Variants in RPL13A observed in about 807,000 individuals in gnomAD.
RPL13A encodes large ribosomal subunit protein uL13.
RPL13A carries 4 observed loss-of-function variants against 30.8 expected under a neutral mutation model. That is an observed-to-expected ratio of 0.13 (90% confidence interval 0.06 to 0.30). The LOEUF is 0.30. RPL13A is among the 10% of genes least tolerant of loss of function. The pLI is 1.00. For missense variants in RPL13A, 196 were observed against 272.6 expected (o/e 0.72, Z 1.98); for synonymous variants, 108 against 104.2 (o/e 1.04, Z -0.22).
chr19:49,490,083 C>A, intron 2 of RPL13A, 149 bp from the exon 3 acceptor site: 2 of 1,035,642 alleles, frequency 1.9e-6, no homozygotes, highest in Non-Finnish European at 3.0e-6. Flanking sequence ...GGACTCCAGG[C>A]TCAAGAAGTA....
chr19:49,487,674 A>G (rs201991577), intron 1 of RPL13A, 30 bp downstream of exon 1: 8 of 1,516,818 alleles, frequency 5.3e-6, no homozygotes, highest in Admixed American at 2.3e-5. Flanking sequence ...CGGGGCGGCA[A>G]GGGGCCGGGT....
Position 49,491,524 on chromosome 19 carries a change from T to C in RPL13A, c.502T>C (p.Tyr168His). The change falls in exon 7 of 8, where the codon TAC (tyrosine) becomes CAC (histidine). Residue 168 changes from tyrosine to histidine, a missense_variant. Tyr to His is a moderately conservative substitution (Grantham distance 83). Coordinates refer to ENST00000391857, the MANE Select transcript of RPL13A (RefSeq NM_012423.4). ...EKRKEKAKIH[Y>H]RKKKQLMRLR... ...GAGGAAAGAGAAAGCCAAGATCCACTACCGGAAGAAGAAACAGCTCATGGT... is the reference window on the plus strand; with the variant it reads ...GAGGAAAGAGAAAGCCAAGATCCACCACCGGAAGAAGAAACAGCTCATGGT... 6.9e-7 allele frequency: 1 copy of C among 1,456,740 alleles called. No homozygotes were observed. Among genetic ancestry groups the C allele is most frequent in the Non-Finnish European group, 9.1e-7 (1 of 1,095,924 alleles). 90.2% of individuals were successfully genotyped at this position (1,456,740 alleles called of 1,614,324 possible). A position where few individuals can be genotyped will look rare whatever the true frequency, so the allele number is the denominator to read the frequency against.
intron 2 of RPL13A, 30 bp from the exon 3 acceptor site, chr19:49,490,202 C>T (rs368227781): frequency 5.0e-6 from 8 of 1,610,584 alleles, no homozygotes; most frequent in South Asian, 1.1e-5. Flanking sequence ...TCAGGCGGCT[C>T]GGCCCTGCTA....
At chr19:49,487,790 T>A (rs2079820428) in intron 1 of RPL13A, 146 bp downstream of exon 1, 1 of 871,760 alleles carries the variant, frequency 1.1e-6, no homozygotes, top group East Asian at 3.2e-5. Flanking sequence ...AAGGGGAATC[T>A]GTAGGAAATG....
intron 1 of RPL13A, among the ~76,000 whole-genome samples, chr19:49,487,871 T>C (rs962114709): frequency 1.3e-5 from 2 of 152,154 alleles, no homozygotes; most frequent in South Asian, 2.1e-4. Flanking sequence ...GTGATAGAGC[T>C]TCCAGCACAG....
At chr19:49,490,422 G>A in intron 3 of RPL13A, 53 bp from the exon 4 acceptor site, 2 of 1,602,636 alleles carry the variant, frequency 1.2e-6, no homozygotes, top group Non-Finnish European at 8.5e-7. Context: ...TGGAAGTGGG[G>A]TTTTGGGGGT....
intron 1 of RPL13A, among the ~76,000 whole-genome samples, chr19:49,489,387 G>C (rs991893012): frequency 2.3e-4 from 35 of 152,012 alleles, no homozygotes; most frequent in African/African-American, 8.5e-4. Context: ...TGTAGTCCCA[G>C]CTACTCATGA....
Position 49,490,248 on chromosome 19 carries a change from C to A in RPL13A, c.105C>A (p.Val35=). 2 of 1,614,064 alleles carry A rather than the reference C, an allele frequency of 1.2e-6. No homozygotes were observed. The highest frequency in any genetic ancestry group is 1.7e-6 in the Non-Finnish European group (2 of 1,180,030). Residue 35 remains valine (V), a synonymous_variant, in exon 3 of 8, where the codon GTC becomes GTA. Coordinates refer to ENST00000391857, the MANE Select transcript of RPL13A (RefSeq NM_012423.4). ...TCCCTCTAGGCCGGAAGGTGGTGGT[C>A]GTACGCTGTGAAGGCATCAACATTT... ...KQVLLGRKVV[V]VRCEGINISG...
intron 7 of RPL13A, 23 bp from the exon 8 acceptor site, chr19:49,491,706 C>G: frequency 3.1e-6 from 5 of 1,609,818 alleles, no homozygotes; most frequent in Non-Finnish European, 4.2e-6. Flanking sequence ...CTGACCACCA[C>G]CACCTGCACT....
intron 1 of RPL13A, among the ~76,000 whole-genome samples, chr19:49,488,453 C>T (rs1472321550): frequency 6.6e-6 from 1 of 152,226 alleles, no homozygotes; most frequent in East Asian, 1.9e-4. Flanking sequence ...AAGTTGTGTT[C>T]ACCAAGCATG....
rs770162527 is a variant in RPL13A, at chr19:49,491,227, G to A, written c.402+128G>A. 3.9e-6 allele frequency: 5 copies of A among 1,280,616 alleles called. No individual in the cohort carries two copies. In the Admixed American group the frequency reaches 8.4e-5, roughly 21 times the overall value. The allele number at this position is 1,280,616 out of a possible 1,614,324, so 79.3% of individuals were successfully genotyped here. A position where few individuals can be genotyped will look rare whatever the true frequency, so the allele number is the denominator to read the frequency against. ...GTCTGCGGATGTCCCTGTGGGAATG[G>A]CGACAATGCCAATGGCTTAGCTGAT... is the stretch of plus-strand genomic sequence containing the variant. On this transcript the variant is annotated intron_variant, in intron 6 of 7. Coordinates refer to ENST00000391857, the MANE Select transcript of RPL13A (RefSeq NM_012423.4).
chr19:49,489,704 C>G lies in RPL13A; in HGVS notation c.16-146C>G, dbSNP rs745512941. ...CAGTCCCTGTTCCTCATCTGTAGAA[C>G]GGGGCTCCGTGCATAGTTCCCAGCT... is the stretch of plus-strand genomic sequence containing the variant. On this transcript the variant is annotated intron_variant, in intron 1 of 7. Coordinates refer to ENST00000391857, the MANE Select transcript of RPL13A (RefSeq NM_012423.4). 4.4e-5 allele frequency: 31 copies of G among 702,798 alleles called. 1 individual carries two copies. The highest frequency in any genetic ancestry group is 7.0e-5 in the Non-Finnish European group (27 of 384,914). 43.5% of individuals were successfully genotyped at this position (702,798 alleles called of 1,614,324 possible).
At chr19:49,491,584 C>T (rs948442877) in intron 7 of RPL13A, 37 bp downstream of exon 7, 1 of 1,555,440 alleles carries the variant, frequency 6.4e-7, no homozygotes, top group Non-Finnish European at 8.7e-7. Flanking sequence ...GGGCATCTCA[C>T]TCCTGGACAG....
chr19:49,488,266 C>G (rs1386724635), intron 1 of RPL13A, among the ~76,000 whole-genome samples: 1 of 152,126 alleles, frequency 6.6e-6, no homozygotes, highest in African/African-American at 2.4e-5. Flanking sequence ...AAGTCGAGAG[C>G]TGTGATGAAT....
chr19:49,491,261 G>A (rs752568544), intron 6 of RPL13A, 162 bp downstream of exon 6: 1 of 1,164,496 alleles, frequency 8.6e-7, no homozygotes, highest in South Asian at 1.2e-5. Context: ...ATGCCAGGAG[G>A]CTTGGGTGGG....
intron 1 of RPL13A, among the ~76,000 whole-genome samples, chr19:49,488,329 C>G (rs565872596): frequency 1.3e-5 from 2 of 152,108 alleles, no homozygotes; most frequent in East Asian, 1.9e-4. Flanking sequence ...GGCCCTTTCC[C>G]TGGCTCCTGG....
chr19:49,489,466 G>A (rs1467960970), intron 1 of RPL13A, among the ~76,000 whole-genome samples: 2 of 152,202 alleles, frequency 1.3e-5, no homozygotes, highest in Non-Finnish European at 2.9e-5. Context: ...GCAACAGCGA[G>A]ACCCTGTCTC....
chr19:49,490,396 T>C, intron 3 of RPL13A, 79 bp from the exon 4 acceptor site: 2 of 1,590,080 alleles, frequency 1.3e-6, no homozygotes, highest in Non-Finnish European at 1.7e-6. Flanking sequence ...CTACTTGGGG[T>C]TTCTGAGAAG....
intron 1 of RPL13A, among the ~76,000 whole-genome samples, chr19:49,489,262 G>A (rs996870000): frequency 2.0e-5 from 3 of 152,108 alleles, no homozygotes; most frequent in East Asian, 1.9e-4. Context: ...TTGGAAGGCC[G>A]AGGCACACGG....
Sources: gnomAD v4.1 joint callset for allele counts (sites outside exome capture counted in the v4.1 genomes callset) on GRCh38, gnomAD v4.1.1 for gene constraint, MANE v1.5 for transcripts, NCBI Gene and HGNC (gene_info 2026-07-23, HGNC 2026-07-21) for gene names.